GALNT17: variants seen among roughly 807,000 people sequenced by gnomAD.
GALNT17 encodes polypeptide N-acetylgalactosaminyltransferase 17.
A neutral mutation model predicts 63.7 loss-of-function variants in GALNT17; 29 were observed. The observed-to-expected ratio is 0.46, with a 90% CI of 0.34 to 0.62. The LOEUF (loss-of-function observed/expected upper bound fraction) is 0.62. Ranked by LOEUF, GALNT17 falls within the 20% of genes least tolerant of loss-of-function variation. The pLI is 0.01. For synonymous variants in GALNT17, 305 were observed against 318.3 expected (o/e 0.96, Z 0.45); for missense variants, 603 against 799.6 (o/e 0.75, Z 2.97).
intron 5 of GALNT17, among the ~76,000 whole-genome samples, chr7:71,539,789 C>T (rs1166896590): frequency 7.7e-6 from 1 of 129,652 alleles, no homozygotes; most frequent in Non-Finnish European, 1.6e-5. Context: ...CAGCCTCTAA[C>T]TCCTGGGCTC....
chr7:71,687,685 C>T (rs112531195), intron 9 of GALNT17, among the ~76,000 whole-genome samples: 213 of 152,240 alleles, frequency 1.4e-3, no homozygotes, highest in African/African-American at 4.5e-3. Context: ...TGTAGACCTT[C>T]TGGAAAACAG....
chr7:71,462,087 T>G (rs1339900323), intron 5 of GALNT17, among the ~76,000 whole-genome samples: 1 of 152,136 alleles, frequency 6.6e-6, no homozygotes, highest in Non-Finnish European at 1.5e-5. Flanking sequence ...GGAGCTGCTC[T>G]GGGCTAGATT....
intron 5 of GALNT17, among the ~76,000 whole-genome samples, chr7:71,555,332 A>G (rs1789145508): frequency 6.6e-6 from 1 of 152,116 alleles, no homozygotes; most frequent in Non-Finnish European, 1.5e-5. Flanking sequence ...TTTAGAATCA[A>G]ATATGGATGT....
chr7:71,402,877 G>A (rs1793264195), intron 3 of GALNT17, among the ~76,000 whole-genome samples: 1 of 152,106 alleles, frequency 6.6e-6, no homozygotes, highest in African/African-American at 2.4e-5. Context: ...GAGACAACTT[G>A]TTATCACACA....
At chr7:71,431,695 G>T (rs1786869678) in intron 5 of GALNT17, among the ~76,000 whole-genome samples, 1 of 152,132 alleles carries the variant, frequency 6.6e-6, no homozygotes, top group African/African-American at 2.4e-5. Flanking sequence ...GACCTTGCCA[G>T]CTGGAGGAGA....
intron 6 of GALNT17, among the ~76,000 whole-genome samples, chr7:71,630,606 G>A (rs1790441300): frequency 6.6e-6 from 1 of 152,202 alleles, no homozygotes; most frequent in Non-Finnish European, 1.5e-5. Context: ...TGCATGGAAT[G>A]TAAAAATCAG....
chr7:71,347,944 C>A (rs1792124319), intron 2 of GALNT17, among the ~76,000 whole-genome samples: 1 of 152,098 alleles, frequency 6.6e-6, no homozygotes, highest in African/African-American at 2.4e-5. Flanking sequence ...ATTTTTTCCA[C>A]ATATTGAAGT....
chr7:71,420,364 A>G (rs780430888), intron 4 of GALNT17, among the ~76,000 whole-genome samples: 9 of 152,058 alleles, frequency 5.9e-5, no homozygotes, highest in Non-Finnish European at 1.0e-4. Context: ...CAATTAAATC[A>G]TCAATTAAAA....
chr7:71,279,059 G>A (rs1790733893), intron 1 of GALNT17, among the ~76,000 whole-genome samples: 1 of 151,862 alleles, frequency 6.6e-6, no homozygotes, highest in Admixed American at 6.6e-5. Context: ...CCGAGTAGCT[G>A]GGATTACAGG....
chr7:71,467,354 G>C (rs1454243852), intron 5 of GALNT17, among the ~76,000 whole-genome samples: 1 of 152,136 alleles, frequency 6.6e-6, no homozygotes, highest in East Asian at 1.9e-4. Flanking sequence ...AGATTCAGCT[G>C]TGTTTTCCAA....
chr7:71,521,413 G>A (rs180776330), intron 5 of GALNT17, among the ~76,000 whole-genome samples: 352 of 152,126 alleles, frequency 2.3e-3, no homozygotes, highest in Non-Finnish European at 3.7e-3. Context: ...TCTACCATTC[G>A]TGTCCATCTG....
At chr7:71,348,323 T>G (rs1388083981) in intron 2 of GALNT17, among the ~76,000 whole-genome samples, 4 of 152,196 alleles carry the variant, frequency 2.6e-5, no homozygotes, top group African/African-American at 7.2e-5. Flanking sequence ...TTCCCACTTC[T>G]TTTAGAGGCA....
intron 6 of GALNT17, among the ~76,000 whole-genome samples, chr7:71,631,710 T>G (rs577520213): frequency 6.6e-6 from 1 of 152,058 alleles, no homozygotes; most frequent in Non-Finnish European, 1.5e-5. Context: ...TTTGCCGTCA[T>G]GTAGATCTTG....
chr7:71,623,655 C>G, intron 6 of GALNT17, among the ~76,000 whole-genome samples: 1 of 152,108 alleles, frequency 6.6e-6, no homozygotes, highest in East Asian at 1.9e-4. Flanking sequence ...AGGCTGGTCT[C>G]AAACTCCTGA....
chr7:71,507,193 C>T (rs566571307), intron 5 of GALNT17, among the ~76,000 whole-genome samples: 273 of 152,266 alleles, frequency 1.8e-3, no homozygotes, highest in African/African-American at 6.2e-3. Flanking sequence ...ATGATTACAC[C>T]ACAGCACTCC....
chr7:71,234,633 C>T (rs1323549257), intron 1 of GALNT17, among the ~76,000 whole-genome samples: 1 of 152,196 alleles, frequency 6.6e-6, no homozygotes, highest in African/African-American at 2.4e-5. Context: ...GGAAACTAAA[C>T]TGCACCCACT....
chr7:71,538,901 G>A (rs1788843277), intron 5 of GALNT17, among the ~76,000 whole-genome samples: 1 of 151,820 alleles, frequency 6.6e-6, no homozygotes, highest in African/African-American at 2.4e-5. Context: ...AGGGACAGAG[G>A]GAGGGAGAGG....
intron 1 of GALNT17, among the ~76,000 whole-genome samples, chr7:71,185,046 C>CT (rs1554336506): frequency 1.6e-5 from 2 of 125,252 alleles, no homozygotes; most frequent in African/African-American, 7.9e-5. Context: ...CTCTTCCTCC[C>CT]CCTCCTCCTC....
At chr7:71,556,696 A>T (rs2116843658) in intron 5 of GALNT17, among the ~76,000 whole-genome samples, 1 of 151,988 alleles carries the variant, frequency 6.6e-6, no homozygotes, top group East Asian at 1.9e-4. Flanking sequence ...AGTATCTGGG[A>T]CTACAAGCTC....
Sources: allele counts gnomAD v4.1 joint callset (sites outside exome capture counted in the v4.1 genomes callset), GRCh38; gene constraint gnomAD v4.1.1; transcripts MANE v1.5; gene names NCBI Gene and HGNC (gene_info 2026-07-23, HGNC 2026-07-21).